Variants in CADM1 observed in about 807,000 individuals in gnomAD.
The protein encoded by CADM1 is cell adhesion molecule 1.
A neutral mutation model predicts 53.1 loss-of-function variants in CADM1; 15 were observed. That is an observed-to-expected ratio of 0.28 (90% CI 0.19 to 0.44). The LOEUF (loss-of-function observed/expected upper bound fraction) is 0.44, where lower values mean the gene tolerates loss of function less well. CADM1 is among the 20% of genes least tolerant of loss of function. The pLI, the probability that CADM1 is intolerant of heterozygous loss-of-function variation, is 1.00. For synonymous variants in CADM1, 281 were observed against 243.0 expected (o/e 1.16, Z -1.45); for missense variants, 434 against 611.3 (o/e 0.71, Z 3.06).
chr11:115,402,331 T>A (rs1947179243), intron 1 of CADM1, among the ~76,000 whole-genome samples: 1 of 152,180 alleles, frequency 6.6e-6, no homozygotes, highest in African/African-American at 2.4e-5. Context: ...GAGACCAGCC[T>A]AGCCAATATG....
At chr11:115,476,968 G>C (rs1385465031) in intron 1 of CADM1, among the ~76,000 whole-genome samples, 1 of 151,834 alleles carries the variant, frequency 6.6e-6, no homozygotes, top group Non-Finnish European at 1.5e-5. Flanking sequence ...TTTTCAAATG[G>C]TAAATCTTAA....
rs71066411 is a variant in CADM1, at chr11:115,259,290, C to CTTTT, written c.125-18874_125-18871dup. ...CGTGCGCCACCGCACCCAGTCTTAACTTTTTTTTTTTTTTTTTTTTTTTTT... is the reference window on the plus strand; with the variant it reads ...CGTGCGCCACCGCACCCAGTCTTAACTTTTTTTTTTTTTTTTTTTTTTTTTTTTT... On this transcript the variant is annotated intron_variant, in intron 1 of 11. Transcript: ENST00000331581. Among the ~76,000 whole-genome samples the CTTTT allele has an allele frequency of 3.5e-3, 192 of 55,092 alleles. 17 individuals carry two copies. The highest frequency in any genetic ancestry group is 6.4e-3 in the African/African-American group (86 of 13,470). The allele number at this position is 55,092 out of a possible 152,430, so 36.1% of individuals were successfully genotyped here. A position where few individuals can be genotyped will look rare whatever the true frequency, so the allele number is the denominator to read the frequency against.
At chr11:115,207,879 A>T (rs563870241) in intron 8 of CADM1, among the ~76,000 whole-genome samples, 5 of 152,220 alleles carry the variant, frequency 3.3e-5, no homozygotes, top group Non-Finnish European at 7.3e-5. Flanking sequence ...TAGTATCTAA[A>T]GGGCACTTCA....
At chr11:115,296,772 T>G (rs1259018455) in intron 1 of CADM1, among the ~76,000 whole-genome samples, 1 of 152,204 alleles carries the variant, frequency 6.6e-6, no homozygotes, top group African/African-American at 2.4e-5. Context: ...ACCATGCCGC[T>G]TTTTGAGTAT....
At chr11:115,438,181 G>T (rs1007660671) in intron 1 of CADM1, among the ~76,000 whole-genome samples, 1 of 152,126 alleles carries the variant, frequency 6.6e-6, no homozygotes, top group Non-Finnish European at 1.5e-5. Context: ...CTAAATAACA[G>T]GCAATAATCA....
chr11:115,229,327 G>C, intron 4 of CADM1, 56 bp from the exon 5 acceptor site: 1 of 1,539,802 alleles, frequency 6.5e-7, no homozygotes, highest in Non-Finnish European at 9.0e-7. Flanking sequence ...CCATCAGTTT[G>C]TTTTTATGTC....
At chr11:115,424,964 C>A (rs1947854660) in intron 1 of CADM1, among the ~76,000 whole-genome samples, 1 of 152,062 alleles carries the variant, frequency 6.6e-6, no homozygotes, top group Non-Finnish European at 1.5e-5. Context: ...TTTAATGTGA[C>A]TAGACAAAAA....
At chr11:115,265,576 A>G (rs759627688) in intron 1 of CADM1, among the ~76,000 whole-genome samples, 3 of 152,166 alleles carry the variant, frequency 2.0e-5, no homozygotes, top group Non-Finnish European at 4.4e-5. Context: ...ATCATGGAAA[A>G]GTTTCCCTGT....
rs1000510310 is a variant in CADM1, at chr11:115,169,908, T to C, written c.*6566A>G. 6.8e-5 allele frequency: 17 copies of C among 249,544 alleles called. No individual in the cohort carries two copies. Among genetic ancestry groups the C allele is most frequent in the Non-Finnish European group, 1.3e-4 (16 of 124,438 alleles). 15.5% of individuals were successfully genotyped at this position (249,544 alleles called of 1,614,324 possible). On this transcript the variant is annotated 3_prime_UTR_variant, in exon 12 of 12. Coordinates refer to ENST00000331581, the MANE Select transcript of CADM1 (RefSeq NM_001301043.2). ...AGCAACCATTAAGGGATTTAAATAT[T>C]TGCTTGCTATTAAAGGCCTGCATTA...
chr11:115,214,514 AT>A, intron 7 of CADM1, 93 bp downstream of exon 7: 1 of 1,323,066 alleles, frequency 7.6e-7, no homozygotes, highest in Non-Finnish European at 1.1e-6. Flanking sequence ...CTGGTTTTTG[AT>A]TTTCAACTTG....
chr11:115,496,711 A>G (rs1419933341), intron 1 of CADM1, among the ~76,000 whole-genome samples: 1 of 152,156 alleles, frequency 6.6e-6, no homozygotes, highest in East Asian at 1.9e-4. Context: ...TTAGCAAAAC[A>G]CAGTTTGGAG....
At chr11:115,466,944 C>A (rs1181853042) in intron 1 of CADM1, among the ~76,000 whole-genome samples, 1 of 152,180 alleles carries the variant, frequency 6.6e-6, no homozygotes, top group African/African-American at 2.4e-5. Flanking sequence ...CACTTACCAG[C>A]CAACATTGAC....
intron 8 of CADM1, among the ~76,000 whole-genome samples, chr11:115,203,472 G>T (rs1198785729): frequency 1.3e-5 from 2 of 152,092 alleles, no homozygotes; most frequent in African/African-American, 4.8e-5. Flanking sequence ...CAAATTTTGT[G>T]TTAGATATGG....
At chr11:115,306,690 G>A (rs549737086) in intron 1 of CADM1, among the ~76,000 whole-genome samples, 1 of 152,038 alleles carries the variant, frequency 6.6e-6, no homozygotes, top group South Asian at 2.1e-4. Context: ...TAAGCAAGAT[G>A]AAGTGTCACA....
rs1938925834 is a variant in CADM1 at position 115,174,419 on chromosome 11, A to G, written c.*2055T>C. 2 of 985,788 alleles carry G rather than the reference A, an allele frequency of 2.0e-6. No individual in the cohort carries two copies. The highest frequency in any genetic ancestry group is 2.4e-6 in the Non-Finnish European group (2 of 829,906). The allele number at this position is 985,788 out of a possible 1,614,324, so 61.1% of individuals were successfully genotyped here. The stretch of plus-strand genomic sequence containing the variant: ...CTAAGGGCTCGGAATAGAGCTGCAG[A>G]TTATAAAATTCATTGAAAAAGGGAT... On this transcript the variant is annotated 3_prime_UTR_variant, in exon 12 of 12. Transcript: ENST00000331581.
At chr11:115,186,173 T>G (rs1939537457) in intron 10 of CADM1, among the ~76,000 whole-genome samples, 1 of 152,116 alleles carries the variant, frequency 6.6e-6, no homozygotes, top group Non-Finnish European at 1.5e-5. Flanking sequence ...TGAAACTCAG[T>G]TTTAAAAGGG....
intron 5 of CADM1, among the ~76,000 whole-genome samples, chr11:115,219,803 G>A (rs1248862097): frequency 3.9e-5 from 6 of 152,020 alleles, no homozygotes; most frequent in African/African-American, 7.3e-5. Context: ...GTTTGTAGTC[G>A]TGTAACACAC....
chr11:115,355,825 T>A (rs936387111), intron 1 of CADM1, among the ~76,000 whole-genome samples: 1 of 152,164 alleles, frequency 6.6e-6, no homozygotes, highest in African/African-American at 2.4e-5. Flanking sequence ...AGGTAGGTTT[T>A]GTTTATTTTT....
chr11:115,344,766 A>G (rs186949476), intron 1 of CADM1, among the ~76,000 whole-genome samples: 100 of 152,212 alleles, frequency 6.6e-4, no homozygotes, highest in African/African-American at 2.3e-3. Flanking sequence ...CTCTAATACA[A>G]GTCTTTGATA....
Sources: gnomAD v4.1 joint callset for allele counts (sites outside exome capture counted in the v4.1 genomes callset) on GRCh38, gnomAD v4.1.1 for gene constraint, MANE v1.5 for transcripts, NCBI Gene and HGNC (gene_info 2026-07-23, HGNC 2026-07-21) for gene names.